The following AP1S3 variants were observed in gnomAD, a reference collection of about 807,000 sequenced individuals.
AP1S3 encodes the protein adaptor related protein complex 1 subunit sigma 3.
A neutral mutation model predicts 20.9 loss-of-function variants in AP1S3; 10 were observed. The ratio of observed to expected loss-of-function variants is 0.48; its 90% CI spans 0.29 to 0.81. The LOEUF (loss-of-function observed/expected upper bound fraction) is 0.81, where lower values mean the gene tolerates loss of function less well. AP1S3 is among the 30% of genes least tolerant of loss of function. The pLI is 0.08. For missense variants in AP1S3, 154 were observed against 183.8 expected (o/e 0.84, Z 0.94); for synonymous variants, 41 against 61.5 (o/e 0.67, Z 1.56).
chr2:223,821,327 T>C (rs772346817), intron 1 of AP1S3, among the ~76,000 whole-genome samples: 1 of 151,770 alleles, frequency 6.6e-6, no homozygotes, highest in Non-Finnish European at 1.5e-5. Flanking sequence ...AGCTAATTTT[T>C]TGTATTTTTA....
At chr2:223,824,334 T>C (rs1023443949) in intron 1 of AP1S3, among the ~76,000 whole-genome samples, 2 of 151,676 alleles carry the variant, frequency 1.3e-5, no homozygotes, top group African/African-American at 4.8e-5. Context: ...CACAAAAATA[T>C]CCAAAAATGA....
intron 1 of AP1S3, among the ~76,000 whole-genome samples, chr2:223,784,816 T>C (rs1331481884): frequency 2.0e-5 from 3 of 152,182 alleles, no homozygotes; most frequent in Admixed American, 6.5e-5. Context: ...TTGGGCAACA[T>C]AGGGAGACTG....
At chr2:223,762,016 A>G (rs1300501149) in intron 4 of AP1S3, among the ~76,000 whole-genome samples, 1 of 152,044 alleles carries the variant, frequency 6.6e-6, no homozygotes, top group Non-Finnish European at 1.5e-5. Flanking sequence ...TCTGCCGCCC[A>G]GGCTAGAGTG....
At chr2:223,798,812 C>T (rs1691404597) in intron 1 of AP1S3, among the ~76,000 whole-genome samples, 1 of 152,196 alleles carries the variant, frequency 6.6e-6, no homozygotes, top group Non-Finnish European at 1.5e-5. Context: ...TGGCTCATGC[C>T]TATAATCCTA....
chr2:223,759,377 A>G (rs1202610499), intron 4 of AP1S3, among the ~76,000 whole-genome samples: 1 of 152,246 alleles, frequency 6.6e-6, no homozygotes, highest in African/African-American at 2.4e-5. Context: ...GTTTGCTAAA[A>G]TGATCAGGAG....
intron 1 of AP1S3, among the ~76,000 whole-genome samples, chr2:223,784,675 A>G (rs952198991): frequency 1.3e-5 from 2 of 152,134 alleles, no homozygotes; most frequent in Non-Finnish European, 2.9e-5. Flanking sequence ...ATAAGTGCCC[A>G]TATCTTTGGT....
intron 1 of AP1S3, among the ~76,000 whole-genome samples, chr2:223,819,462 A>C (rs1484438744): frequency 6.6e-6 from 1 of 152,202 alleles, no homozygotes; most frequent in Non-Finnish European, 1.5e-5. Context: ...GCAGAAATCT[A>C]ACCCAATTTT....
At chr2:223,768,037 A>G (rs1690522534) in intron 3 of AP1S3, among the ~76,000 whole-genome samples, 1 of 152,176 alleles carries the variant, frequency 6.6e-6, no homozygotes, top group South Asian at 2.1e-4. Context: ...GCTCAGGGCC[A>G]TTGACCACTA....
intron 1 of AP1S3, among the ~76,000 whole-genome samples, chr2:223,812,298 T>G (rs1383862637): frequency 2.0e-5 from 3 of 152,230 alleles, no homozygotes; most frequent in Non-Finnish European, 4.4e-5. Flanking sequence ...CTCAGCTCAC[T>G]GCAACCTCCA....
intron 1 of AP1S3, among the ~76,000 whole-genome samples, chr2:223,796,297 T>C (rs1477965209): frequency 6.6e-6 from 1 of 152,214 alleles, no homozygotes; most frequent in Non-Finnish European, 1.5e-5. Flanking sequence ...ATCCCATTAC[T>C]ACCCCATTAT....
intron 1 of AP1S3, among the ~76,000 whole-genome samples, chr2:223,826,043 G>C (rs1692120781): frequency 6.6e-6 from 1 of 152,146 alleles, no homozygotes; most frequent in Non-Finnish European, 1.5e-5. Context: ...GAACAGGTGA[G>C]AAATACCCTG....
intron 3 of AP1S3, among the ~76,000 whole-genome samples, chr2:223,769,723 A>G (rs1358154293): frequency 1.3e-5 from 2 of 150,852 alleles, no homozygotes; most frequent in African/African-American, 4.9e-5. Flanking sequence ...AATAATATGC[A>G]GAATGCAATC....
At chr2:223,796,370 C>T (rs1009385031) in intron 1 of AP1S3, among the ~76,000 whole-genome samples, 7 of 152,120 alleles carry the variant, frequency 4.6e-5, no homozygotes, top group African/African-American at 1.7e-4. Flanking sequence ...TTCACAGGTA[C>T]CCCAGAAGGA....
intron 1 of AP1S3, among the ~76,000 whole-genome samples, chr2:223,780,300 TATATATATAG>T (rs1241612782): frequency 3.9e-3 from 204 of 52,480 alleles, no homozygotes; most frequent in Non-Finnish European, 5.4e-3. Context: ...TATATATATA[TATATATATAG>T]AGAGAGAGAG....
intron 3 of AP1S3, among the ~76,000 whole-genome samples, chr2:223,774,852 C>A (rs1690743227): frequency 6.6e-6 from 1 of 152,098 alleles, no homozygotes; most frequent in Admixed American, 6.5e-5. Context: ...GGTTCTGGGC[C>A]ATGAGAAGCC....
chr2:223,829,315 GTAAA>G (rs1692206136), intron 1 of AP1S3, among the ~76,000 whole-genome samples: 1 of 152,128 alleles, frequency 6.6e-6, no homozygotes, highest in South Asian at 2.1e-4. Flanking sequence ...GCCTGTTGTT[GTAAA>G]TAAAGTTTTA....
intron 1 of AP1S3, among the ~76,000 whole-genome samples, chr2:223,780,632 T>C (rs661088): frequency 0.49 from 74,637 of 151,096 alleles, 18,913 homozygotes; most frequent in Non-Finnish European, 0.55. Flanking sequence ...GGTCTCCCTA[T>C]GTTGCCCAGA....
At position 223,755,524 on chromosome 2, in the gene AP1S3, CTTTCA is replaced by C. The variant is rs1690190149; in HGVS notation, c.*3186_*3190del. 8.2e-6 allele frequency among the ~76,000 whole-genome samples: 1 copy of C among 122,394 alleles called. No individual in the cohort carries two copies. Among genetic ancestry groups the C allele is most frequent in the Non-Finnish European group, 1.6e-5 (1 of 62,010 alleles). 80.3% of individuals were successfully genotyped at this position (122,394 alleles called of 152,430 possible). A position where few individuals can be genotyped will look rare whatever the true frequency, so the allele number is the denominator to read the frequency against. On this transcript the variant is annotated 3_prime_UTR_variant, in exon 5 of 5. Transcript: ENST00000396654. ...TGTGCCATATAGATATGTTTACTTA[CTTTCA>C]TTTTTTTTTTTTTTTTTTTGAGACA...
intron 3 of AP1S3, among the ~76,000 whole-genome samples, chr2:223,774,327 T>A (rs956637562): frequency 1.3e-5 from 2 of 151,956 alleles, no homozygotes; most frequent in African/African-American, 4.8e-5. Flanking sequence ...ATCGTGCCAT[T>A]GCACTCCAGC....
Sources: allele counts gnomAD v4.1 joint callset (sites outside exome capture counted in the v4.1 genomes callset), GRCh38; gene constraint gnomAD v4.1.1; transcripts MANE v1.5; gene names NCBI Gene and HGNC (gene_info 2026-07-23, HGNC 2026-07-21).